ADARB2: variants seen among roughly 807,000 people sequenced by gnomAD.
ADARB2 encodes the protein inactive double-stranded RNA-specific editase B2.
ADARB2 carries 25 observed loss-of-function variants against 62.2 expected under a neutral mutation model. That is an observed-to-expected ratio of 0.40 (90% CI 0.29 to 0.56). ADARB2 has a LOEUF of 0.56. ADARB2 is among the 20% of genes least tolerant of loss of function. ADARB2 has a pLI of 0.43. For missense variants in ADARB2, 1,071 were observed against 1,077.4 expected, an observed-to-expected ratio of 0.99 and a Z score of 0.08; for synonymous variants, 572 against 500.8, an observed-to-expected ratio of 1.14 and a Z score of -1.90.
At chr10:1,512,537 A>T (rs1173342092) in intron 1 of ADARB2, among the ~76,000 whole-genome samples, 3 of 152,246 alleles carry the variant, frequency 2.0e-5, no homozygotes, top group Non-Finnish European at 4.4e-5. Context: ...TGCATTTCCT[A>T]GATGAGAAGG....
chr10:1,340,852 T>C (rs111731330), intron 3 of ADARB2, among the ~76,000 whole-genome samples: 1,175 of 17,126 alleles, frequency 0.069, 4 homozygotes, highest in African/African-American at 0.11. Flanking sequence ...CACCCCACAG[T>C]GGCAATAACC....
At chr10:1,463,142 G>A (rs1831200658) in intron 1 of ADARB2, among the ~76,000 whole-genome samples, 1 of 152,164 alleles carries the variant, frequency 6.6e-6, no homozygotes, top group South Asian at 2.1e-4. Flanking sequence ...TGCTCTCCAC[G>A]TGATGAGTGG....
chr10:1,422,157 G>A (rs1299443588), intron 1 of ADARB2, among the ~76,000 whole-genome samples: 1 of 152,234 alleles, frequency 6.6e-6, no homozygotes, highest in African/African-American at 2.4e-5. Flanking sequence ...AGGTTGGCAA[G>A]AGGAATAGAA....
intron 1 of ADARB2, among the ~76,000 whole-genome samples, chr10:1,736,762 C>T (rs1443054132): frequency 1.3e-5 from 2 of 152,220 alleles, no homozygotes; most frequent in Non-Finnish European, 2.9e-5. Context: ...CTGCGGGGCC[C>T]GGAGACGCGC....
intron 1 of ADARB2, among the ~76,000 whole-genome samples, chr10:1,578,956 G>A (rs555091791): frequency 1.9e-4 from 29 of 152,296 alleles, no homozygotes; most frequent in South Asian, 4.1e-4. Flanking sequence ...GAAGGATGCC[G>A]CAGCCAGGGG....
intron 1 of ADARB2, among the ~76,000 whole-genome samples, chr10:1,561,804 G>A (rs1024472676): frequency 6.6e-6 from 1 of 152,138 alleles, no homozygotes; most frequent in African/African-American, 2.4e-5. Flanking sequence ...TCCCGATGTG[G>A]CCTAGAGCCG....
rs573550659 is a variant in ADARB2, at chr10:1,426,735, C to T, written c.101-47575G>A. 5.9e-5 allele frequency among the ~76,000 whole-genome samples: 9 copies of T among 152,338 alleles called. No individual in the cohort carries two copies. The highest frequency in any genetic ancestry group is 1.7e-4 in the African/African-American group (7 of 41,582). ...AGCCCAGGGGCTGGCCCAGGAGAGG[C>T]GGCAAGGCTGTGTGCAGACACTTTG... On this transcript the variant is annotated intron_variant, in intron 1 of 9. Coordinates refer to ENST00000381312, the MANE Select transcript of ADARB2 (RefSeq NM_018702.4). The surrounding 1 kb of genome is among the most constrained non-coding windows in gnomAD (Gnocchi z 4.1).
intron 3 of ADARB2, among the ~76,000 whole-genome samples, chr10:1,325,056 C>CT (rs765163085): frequency 9.9e-5 from 15 of 152,220 alleles, no homozygotes; most frequent in Non-Finnish European, 1.9e-4. Context: ...TAAACATGCA[C>CT]TTACACTCAC....
chr10:1,295,622 G>A (rs1046081735), intron 3 of ADARB2, among the ~76,000 whole-genome samples: 4 of 144,750 alleles, frequency 2.8e-5, no homozygotes, highest in African/African-American at 5.8e-5. Flanking sequence ...CTCTTGATAC[G>A]ATTTTGGATC....
chr10:1,389,660 T>C (rs1019703796), intron 1 of ADARB2, among the ~76,000 whole-genome samples: 48 of 152,026 alleles, frequency 3.2e-4, no homozygotes, highest in African/African-American at 1.1e-3. Context: ...CAAGAATCGA[T>C]TGAACCGGGG....
At chr10:1,485,517 C>T (rs894364850) in intron 1 of ADARB2, among the ~76,000 whole-genome samples, 34 of 152,208 alleles carry the variant, frequency 2.2e-4, no homozygotes, top group Non-Finnish European at 3.5e-4. Flanking sequence ...AACTCTCACC[C>T]GCCAGTCTCT....
At chr10:1,640,901 C>T (rs541061574) in intron 1 of ADARB2, among the ~76,000 whole-genome samples, 33 of 152,222 alleles carry the variant, frequency 2.2e-4, no homozygotes, top group East Asian at 3.9e-4. Context: ...GTGAATGTAA[C>T]GCATCCCGGC....
At chr10:1,400,940 C>T (rs11819029) in intron 1 of ADARB2, among the ~76,000 whole-genome samples, 132 of 152,288 alleles carry the variant, frequency 8.7e-4, no homozygotes, top group African/African-American at 3.0e-3. Context: ...CCGGGAACGA[C>T]CTCAAGGCAG....
chr10:1,629,361 A>G (rs1236761561), intron 1 of ADARB2, among the ~76,000 whole-genome samples: 2 of 151,648 alleles, frequency 1.3e-5, no homozygotes, highest in Admixed American at 1.3e-4. Flanking sequence ...ATTGGTGGAG[A>G]CCTCCTCATC....
At chr10:1,681,620 G>A (rs552114662) in intron 1 of ADARB2, among the ~76,000 whole-genome samples, 10 of 152,246 alleles carry the variant, frequency 6.6e-5, no homozygotes, top group South Asian at 2.1e-4. Flanking sequence ...TGAGGTGATC[G>A]CAGGGCATGG....
chr10:1,329,670 G>A (rs371740982), intron 3 of ADARB2, among the ~76,000 whole-genome samples: 1 of 152,216 alleles, frequency 6.6e-6, no homozygotes, highest in Non-Finnish European at 1.5e-5. Context: ...CCTCCCTGAT[G>A]GCTGCTTTTA....
intron 1 of ADARB2, among the ~76,000 whole-genome samples, chr10:1,486,662 G>A (rs56025627): frequency 0.018 from 2,776 of 152,244 alleles, 77 homozygotes; most frequent in African/African-American, 0.063. Flanking sequence ...TCAAGAAAAA[G>A]CAGGGGTGCA....
chr10:1,727,040 G>A (rs1405291470), intron 1 of ADARB2, among the ~76,000 whole-genome samples: 3 of 152,192 alleles, frequency 2.0e-5, no homozygotes, highest in Non-Finnish European at 2.9e-5. Context: ...AACGAAAGGT[G>A]TTCAGTAAAT....
chr10:1,716,190 C>T lies in ADARB2; in HGVS notation c.100+20861G>A, dbSNP rs371799526. Among the ~76,000 whole-genome samples, 17 of 152,254 alleles carry T rather than the reference C, an allele frequency of 1.1e-4. No homozygotes were observed. In the East Asian group the frequency reaches 2.9e-3, roughly 26 times the overall value. On this transcript the variant is annotated intron_variant, in intron 1 of 9. Coordinates refer to ENST00000381312, the MANE Select transcript of ADARB2 (RefSeq NM_018702.4). The stretch of plus-strand genomic sequence containing the variant: ...ACTCAGTTCTCCCTGTACATTCCAT[C>T]ACGACTCATGCACACCTGCTGAGCT...
Sources: gnomAD v4.1 joint callset for allele counts (sites outside exome capture counted in the v4.1 genomes callset) on GRCh38, gnomAD v4.1.1 for gene constraint, Gnocchi (gnomAD v3.1) non-coding constraint, MANE v1.5 for transcripts, NCBI Gene and HGNC (gene_info 2026-07-23, HGNC 2026-07-21) for gene names.